MS4A15: variants seen among roughly 807,000 people sequenced by gnomAD.
MS4A15 encodes the protein membrane-spanning 4-domains subfamily A member 15.
A neutral mutation model predicts 20.6 loss-of-function variants in MS4A15; 22 were observed. That is an observed-to-expected ratio of 1.07 (90% CI 0.76 to 1.52). The LOEUF (loss-of-function observed/expected upper bound fraction) is 1.52. MS4A15 is among the 40% of genes most tolerant of loss of function. The pLI is 0.00. For synonymous variants in MS4A15, 129 were observed against 129.3 expected (o/e 1.00, Z 0.02); for missense variants, 312 against 323.0 (o/e 0.97, Z 0.26).
chr11:60,765,158 A>T (rs927521893), intron 2 of MS4A15, among the ~76,000 whole-genome samples: 1 of 152,196 alleles, frequency 6.6e-6, no homozygotes, highest in South Asian at 2.1e-4. Context: ...ATTTGGGCAT[A>T]GTCTGATCAG....
At chr11:60,772,394 G>A (rs1854066204) in intron 4 of MS4A15, among the ~76,000 whole-genome samples, 1 of 152,128 alleles carries the variant, frequency 6.6e-6, no homozygotes, top group South Asian at 2.1e-4. Flanking sequence ...GGTTGTGGAG[G>A]GGCAGGACTA....
intron 1 of MS4A15, among the ~76,000 whole-genome samples, chr11:60,762,898 G>A (rs986824789): frequency 1.3e-5 from 2 of 152,154 alleles, no homozygotes; most frequent in Middle Eastern, 3.2e-3. Flanking sequence ...GTGTAATAAG[G>A]AACGCTGAAA....
At chr11:60,758,412 A>G (rs931799824) in intron 1 of MS4A15, among the ~76,000 whole-genome samples, 1 of 152,240 alleles carries the variant, frequency 6.6e-6, no homozygotes, top group African/African-American at 2.4e-5. Flanking sequence ...TTATGTTACA[A>G]TTGGCTTTTG....
Position 60,775,917 on chromosome 11 carries a change from ACCGGG to A in MS4A15, c.*204_*208del. The A allele has an allele frequency of 2.0e-6, 1 of 489,762 alleles. No individual in the cohort carries two copies. Among genetic ancestry groups the A allele is most frequent in the Non-Finnish European group, 3.7e-6 (1 of 272,726 alleles). The allele number at this position is 489,762 out of a possible 1,614,324, so 30.3% of individuals were successfully genotyped here. On this transcript the variant is annotated 3_prime_UTR_variant, in exon 7 of 7. Transcript: ENST00000405633. ...CCCCAGTGCTTTCTTTCTAAAAGAC[ACCGGG>A]CTGACGTCAGGGGTGTGTGTCCTTC...
chr11:60,769,911 G>A (rs1203530167), intron 3 of MS4A15, among the ~76,000 whole-genome samples: 2 of 152,200 alleles, frequency 1.3e-5, no homozygotes, highest in East Asian at 1.9e-4. Flanking sequence ...CTCTGTCTCC[G>A]TGTCACCCCA....
At position 60,773,434 on chromosome 11, in the gene MS4A15, G is replaced by T. The variant is rs143783115; in HGVS notation, c.448G>T (p.Ala150Ser). 1.8e-3 allele frequency: 2,957 copies of T among 1,613,810 alleles called. 8 individuals carry two copies. The highest frequency in any genetic ancestry group is 2.4e-3 in the Non-Finnish European group (2,787 of 1,179,966). The part of the protein sequence containing the change: ...LGTNILSVMA[A>S]FAGTAILLMD... ...CACCAACATCCTCAGCGTCATGGCGGCCTTTGCTGGGACAGCCATTCTGCT... is the reference window on the plus strand; with the variant it reads ...CACCAACATCCTCAGCGTCATGGCGTCCTTTGCTGGGACAGCCATTCTGCT... The change falls in exon 5 of 7, where the codon GCC (alanine) becomes TCC (serine). Residue 150 changes from alanine to serine, a missense_variant. Physicochemically the swap from Ala to Ser is moderately conservative, Grantham distance 99 (BLOSUM62 1). Transcript: ENST00000405633.
At chr11:60,760,507 A>G (rs1757945382) in intron 1 of MS4A15, among the ~76,000 whole-genome samples, 1 of 152,174 alleles carries the variant, frequency 6.6e-6, no homozygotes, top group Non-Finnish European at 1.5e-5. Context: ...GACCTAATAC[A>G]TGCTATCCCC....
chr11:60,759,149 T>C (rs1331810453), intron 1 of MS4A15, among the ~76,000 whole-genome samples: 1 of 152,220 alleles, frequency 6.6e-6, no homozygotes, highest in African/African-American at 2.4e-5. Context: ...ACTGTGCCTA[T>C]GTAGAAAAGG....
Position 60,764,834 on chromosome 11 carries a change from G to A in MS4A15, c.225+876G>A, listed in dbSNP as rs189600386. 1.6e-4 allele frequency among the ~76,000 whole-genome samples: 24 copies of A among 152,230 alleles called. 1 individual carries two copies. Among genetic ancestry groups the A allele is most frequent in the Admixed American group, 5.9e-4 (9 of 15,304 alleles). On this transcript the variant is annotated intron_variant, in intron 2 of 6. Coordinates refer to ENST00000405633, the MANE Select transcript of MS4A15 (RefSeq NM_001098835.2). ...TGAGGCAGGAGAATTGCTTGAACCC[G>A]GGAGGTGGAGGTTGCAGTGAGCTGC...
chr11:60,766,854 A>C (rs1053231771), intron 2 of MS4A15, among the ~76,000 whole-genome samples: 1 of 152,244 alleles, frequency 6.6e-6, no homozygotes, highest in African/African-American at 2.4e-5. Context: ...CGGAGCCGGA[A>C]GTGGCTCCTG....
chr11:60,771,640 T>C (rs930051933), intron 4 of MS4A15: 1 of 1,447,240 alleles, frequency 6.9e-7, no homozygotes, highest in East Asian at 3.0e-5. Flanking sequence ...AGAGTCCTGC[T>C]GGGCCTTGGT....
chr11:60,773,721 T>C, intron 5 of MS4A15, 116 bp from the exon 6 acceptor site: 1 of 920,580 alleles, frequency 1.1e-6, no homozygotes, highest in Non-Finnish European at 1.8e-6. Flanking sequence ...GGGGACTGGC[T>C]CCAGGCACAG....
chr11:60,768,398 G>A (rs1189949951), intron 3 of MS4A15, among the ~76,000 whole-genome samples: 1 of 152,120 alleles, frequency 6.6e-6, no homozygotes, highest in Non-Finnish European at 1.5e-5. Context: ...ACCTCCTTCC[G>A]GCCAAACTGG....
intron 2 of MS4A15, among the ~76,000 whole-genome samples, chr11:60,766,940 C>T (rs1025950546): frequency 3.9e-5 from 6 of 152,174 alleles, no homozygotes; most frequent in South Asian, 4.1e-4. Context: ...TTACCCAAAA[C>T]GTTGCAATGT....
chr11:60,769,768 G>A (rs182909751), intron 3 of MS4A15, among the ~76,000 whole-genome samples: 5 of 152,190 alleles, frequency 3.3e-5, no homozygotes, highest in East Asian at 3.9e-4. Context: ...TCCCTGCTGC[G>A]CATCCACCCC....
At position 60,774,103 on chromosome 11, in the gene MS4A15, C is replaced by T. The variant is rs554469357; in HGVS notation, c.612+153C>T. Among the ~76,000 whole-genome samples the T allele has an allele frequency of 3.2e-4, 48 of 152,174 alleles. 1 individual carries two copies. Among genetic ancestry groups the T allele is most frequent in the African/African-American group, 1.2e-3 (48 of 41,524 alleles). On this transcript the variant is annotated intron_variant, in intron 6 of 6. Coordinates refer to ENST00000405633, the MANE Select transcript of MS4A15 (RefSeq NM_001098835.2). ...ACAGCGCTAGGAAGGGTGTCCCATC[C>T]ATGTCAGGGGGCCCAAAGAAGTCTT...
intron 2 of MS4A15, among the ~76,000 whole-genome samples, chr11:60,764,165 A>G (rs560216401): frequency 1.2e-3 from 185 of 152,344 alleles, no homozygotes; most frequent in African/African-American, 3.9e-3. Flanking sequence ...AGAAACCTCC[A>G]AAGAGAAAAG....
chr11:60,757,019 G>A lies in MS4A15; in HGVS notation c.-68G>A, dbSNP rs1445840848. On this transcript the variant is annotated 5_prime_UTR_variant, in exon 1 of 7. Coordinates refer to ENST00000405633, the MANE Select transcript of MS4A15 (RefSeq NM_001098835.2). ...CCCGACGTGATCGCCTTGAAGTTAC[G>A]CTTGAAGGAGGAAAACTCATCAATT... 1.3e-5 allele frequency: 2 copies of A among 152,106 alleles called. No individual in the cohort carries two copies. The highest frequency in any genetic ancestry group is 2.1e-4 in the South Asian group (1 of 4,822). The allele number at this position is 152,106 out of a possible 1,614,324, so 9.4% of individuals were successfully genotyped here. A position where few individuals can be genotyped will look rare whatever the true frequency, so the allele number is the denominator to read the frequency against.
intron 6 of MS4A15, among the ~76,000 whole-genome samples, chr11:60,775,273 C>T (rs557572029): frequency 6.0e-5 from 9 of 151,244 alleles, no homozygotes; most frequent in Admixed American, 5.3e-4. Context: ...GCCGAGATCA[C>T]GCCATTGCAC....
Sources: allele counts gnomAD v4.1 joint callset (sites outside exome capture counted in the v4.1 genomes callset), GRCh38; gene constraint gnomAD v4.1.1; transcripts MANE v1.5; gene names NCBI Gene and HGNC (gene_info 2026-07-23, HGNC 2026-07-21).